NKAIN3: variants seen among roughly 807,000 people sequenced by gnomAD.
NKAIN3 encodes the protein sodium/potassium-transporting ATPase subunit beta-1-interacting protein 3.
Under a neutral mutation model 30.2 loss-of-function variants are expected in NKAIN3, and 25 were observed. The observed-to-expected ratio is 0.83, with a 90% confidence interval of 0.60 to 1.16. NKAIN3 has a LOEUF of 1.16. NKAIN3 is among the 50% of genes most tolerant of loss of function. The pLI, the probability that NKAIN3 is intolerant of heterozygous loss-of-function variation, is 0.00. For missense variants in NKAIN3, 225 were observed against 254.1 expected, an observed-to-expected ratio of 0.89 and a Z score of 0.78; for synonymous variants, 91 against 89.6, an observed-to-expected ratio of 1.02 and a Z score of -0.09.
chr8:62,408,445 C>T (rs577518497), intron 1 of NKAIN3, among the ~76,000 whole-genome samples: 2 of 152,132 alleles, frequency 1.3e-5, no homozygotes, highest in South Asian at 2.1e-4. Context: ...CATCTCACTC[C>T]ACTAATATTA....
intron 4 of NKAIN3, among the ~76,000 whole-genome samples, chr8:62,837,672 T>C (rs1300476350): frequency 6.6e-6 from 1 of 152,160 alleles, no homozygotes; most frequent in Non-Finnish European, 1.5e-5. Flanking sequence ...CTAGTAGATT[T>C]GACAAAATGA....
At position 62,978,745 on chromosome 8, in the gene NKAIN3, C is replaced by T. The variant is rs888007003; in HGVS notation, c.*13338C>T. The T allele has an allele frequency of 6.5e-6, 1 of 153,022 alleles. No individual in the cohort carries two copies. The highest frequency in any genetic ancestry group is 1.5e-5 in the Non-Finnish European group (1 of 68,352). 9.5% of individuals were successfully genotyped at this position (153,022 alleles called of 1,614,324 possible). ...TGAATGGTTCTGTCTCTCTGGCATTCCAGACAACTCTGGGGTACGAAAAAA... is the reference window on the plus strand; with the variant it reads ...TGAATGGTTCTGTCTCTCTGGCATTTCAGACAACTCTGGGGTACGAAAAAA... On this transcript the variant is annotated 3_prime_UTR_variant, in exon 7 of 7. Transcript: ENST00000623646.
At position 62,970,477 on chromosome 8, in the gene NKAIN3, C is replaced by A. The variant is rs1050894019; in HGVS notation, c.*5070C>A. 1.3e-5 allele frequency among the ~76,000 whole-genome samples: 2 copies of A among 149,816 alleles called. No individual in the cohort carries two copies. Among genetic ancestry groups the A allele is most frequent in the African/African-American group, 4.9e-5 (2 of 40,898 alleles). ...CAAAACTTGAATCATCTTTCTTGAA[C>A]TTGCATTCAAATAAAGGGTAAAAAT... On this transcript the variant is annotated 3_prime_UTR_variant, in exon 7 of 7. Transcript: ENST00000623646.
At chr8:62,537,044 T>C (rs1563446537) in intron 1 of NKAIN3, among the ~76,000 whole-genome samples, 1 of 152,172 alleles carries the variant, frequency 6.6e-6, no homozygotes, top group African/African-American at 2.4e-5. Flanking sequence ...CATCAAGCCC[T>C]ATAGCACTTC....
intron 1 of NKAIN3, among the ~76,000 whole-genome samples, chr8:62,485,191 A>G (rs1408071539): frequency 1.3e-5 from 2 of 151,936 alleles, no homozygotes; most frequent in Non-Finnish European, 2.9e-5. Flanking sequence ...TCACAGCATC[A>G]CAATGAGGAC....
At chr8:62,386,143 G>C (rs1817419618) in intron 1 of NKAIN3, among the ~76,000 whole-genome samples, 1 of 152,178 alleles carries the variant, frequency 6.6e-6, no homozygotes, top group East Asian at 1.9e-4. Context: ...GGGCCAAAGA[G>C]AGTCACTTGG....
intron 1 of NKAIN3, among the ~76,000 whole-genome samples, chr8:62,561,824 TG>T (rs1239703044): frequency 6.6e-6 from 1 of 152,152 alleles, no homozygotes; most frequent in African/African-American, 2.4e-5. Flanking sequence ...CTTTAAAATA[TG>T]GGGCTTGTTG....
At chr8:62,925,966 G>A (rs998078571) in intron 5 of NKAIN3, among the ~76,000 whole-genome samples, 3 of 152,140 alleles carry the variant, frequency 2.0e-5, no homozygotes, top group Admixed American at 2.0e-4. Context: ...ACAGGTCAGA[G>A]CTCTCCAGTT....
chr8:62,996,681 AG>A, intron 5 of NKAIN3, among the ~76,000 whole-genome samples: 1 of 152,344 alleles, frequency 6.6e-6, no homozygotes, highest in Admixed American at 6.5e-5. Flanking sequence ...GGGGGGTACA[AG>A]TATTGGGTAA....
chr8:62,724,505 C>T (rs1212647607), intron 3 of NKAIN3, among the ~76,000 whole-genome samples: 1 of 151,984 alleles, frequency 6.6e-6, no homozygotes, highest in Non-Finnish European at 1.5e-5. Flanking sequence ...ATTTTGGTAA[C>T]CATTTACCAT....
intron 5 of NKAIN3, chr8:62,990,334 C>G (rs1824296250): frequency 7.5e-7 from 1 of 1,338,578 alleles, no homozygotes; most frequent in South Asian, 2.3e-5. Context: ...ATTCTAAACC[C>G]CAGATTCAAC....
intron 3 of NKAIN3, among the ~76,000 whole-genome samples, chr8:62,668,347 T>C (rs1356675075): frequency 6.6e-6 from 1 of 152,226 alleles, no homozygotes; most frequent in East Asian, 1.9e-4. Flanking sequence ...GAAAGGATCC[T>C]TAAAGGCTTT....
In NKAIN3 at chr8:62,729,035, A is replaced by AAAAAAAACAAAAC. The variant is rs1344781585; in HGVS notation, c.274-17893_274-17892insAAACAAAACAAAA. Among the ~76,000 whole-genome samples the AAAAAAAACAAAAC allele has an allele frequency of 3.8e-3, 415 of 110,214 alleles. 8 individuals carry two copies. Among genetic ancestry groups the AAAAAAAACAAAAC allele is most frequent in the African/African-American group, 0.016 (390 of 23,734 alleles). The allele number at this position is 110,214 out of a possible 152,430, so 72.3% of individuals were successfully genotyped here. A position where few individuals can be genotyped will look rare whatever the true frequency, so the allele number is the denominator to read the frequency against. On this transcript the variant is annotated intron_variant, in intron 3 of 6. Transcript: ENST00000623646. ...CAAAACAAACAAACCAAAAAAAAAA[A>AAAAAAAACAAAAC]AAAACAAAAAAAAAAAACCTCCTGC...
chr8:62,697,909 G>C (rs1814217490), intron 3 of NKAIN3, among the ~76,000 whole-genome samples: 1 of 152,064 alleles, frequency 6.6e-6, no homozygotes, highest in Non-Finnish European at 1.5e-5. Context: ...AAAGACAACT[G>C]AAAATAAGAT....
At chr8:62,401,596 G>T (rs1803874960) in intron 1 of NKAIN3, among the ~76,000 whole-genome samples, 1 of 152,042 alleles carries the variant, frequency 6.6e-6, no homozygotes, top group Non-Finnish European at 1.5e-5. Flanking sequence ...AAGGGACCTG[G>T]GTGTTTTTAT....
intron 4 of NKAIN3, among the ~76,000 whole-genome samples, chr8:62,757,386 A>G (rs1309772998): frequency 6.6e-6 from 1 of 152,160 alleles, no homozygotes; most frequent in African/African-American, 2.4e-5. Context: ...CTAAATGAAA[A>G]CAAGCTGTTT....
At chr8:62,812,285 T>C (rs917182695) in intron 4 of NKAIN3, among the ~76,000 whole-genome samples, 2 of 151,936 alleles carry the variant, frequency 1.3e-5, no homozygotes, top group Non-Finnish European at 2.9e-5. Flanking sequence ...TCCACTTTAT[T>C]TTTTTGGAAT....
rs186487661 is a variant in NKAIN3 at position 62,932,765 on chromosome 8, G to T, written c.532+14252G>T. On this transcript the variant is annotated intron_variant, in intron 5 of 6. Transcript: ENST00000623646. ...TTAAATTTGTTTTTTTAGAGACAGG[G>T]TCTCTCTCTGTCACCAATGCTGGAG... Among the ~76,000 whole-genome samples the T allele has an allele frequency of 9.5e-4, 144 of 152,074 alleles. 1 individual carries two copies. Among genetic ancestry groups the T allele is most frequent in the African/African-American group, 1.9e-4 (8 of 41,478 alleles).
chr8:62,814,356 C>CGG (rs1818599816), intron 4 of NKAIN3, among the ~76,000 whole-genome samples: 1 of 151,036 alleles, frequency 6.6e-6, no homozygotes, highest in South Asian at 2.1e-4. Flanking sequence ...TCTTTTTAAA[C>CGG]ATTAACAATT....
Sources: gnomAD v4.1 joint callset for allele counts (sites outside exome capture counted in the v4.1 genomes callset) on GRCh38, gnomAD v4.1.1 for gene constraint, MANE v1.5 for transcripts, NCBI Gene and HGNC (gene_info 2026-07-23, HGNC 2026-07-21) for gene names.